GLP2R: variants seen among roughly 807,000 people sequenced by gnomAD.
The protein encoded by GLP2R is glucagon-like peptide 2 receptor.
A neutral mutation model predicts 68.2 loss-of-function variants in GLP2R; 59 were observed. The ratio of observed to expected loss-of-function variants is 0.87; its 90% CI spans 0.70 to 1.07. GLP2R has a LOEUF of 1.07. GLP2R is among the 50% of genes least tolerant of loss of function. GLP2R has a pLI of 0.00. For synonymous variants in GLP2R, 270 were observed against 265.4 expected (o/e 1.02, Z -0.17); for missense variants, 548 against 677.4 (o/e 0.81, Z 2.12).
intron 3 of GLP2R, among the ~76,000 whole-genome samples, chr17:9,841,627 C>T (rs562414291): frequency 1.3e-3 from 200 of 152,140 alleles, no homozygotes; most frequent in African/African-American, 4.1e-3. Flanking sequence ...GTGGGTGGAG[C>T]AGATTTTGAA....
chr17:9,860,540 G>A (rs1364840808), intron 7 of GLP2R, among the ~76,000 whole-genome samples: 1 of 152,144 alleles, frequency 6.6e-6, no homozygotes, highest in Non-Finnish European at 1.5e-5. Flanking sequence ...TTCTCACATG[G>A]TGAGGAGAGT....
Position 9,836,126 on chromosome 17 carries a change from T to C in GLP2R, c.278-245T>C, listed in dbSNP as rs954636582. Among the ~76,000 whole-genome samples, 3 of 152,124 alleles carry C rather than the reference T, an allele frequency of 2.0e-5. No individual in the cohort carries two copies. The East Asian group carries it at 5.8e-4, about 29-fold the overall frequency. ...CAGCATGATGTGTACATTGACGTAA[T>C]TGACCGGAGGTCAAGTTGGGCAGAC... On this transcript the variant is annotated intron_variant, in intron 2 of 12. Coordinates refer to ENST00000262441, the MANE Select transcript of GLP2R (RefSeq NM_004246.3).
At chr17:9,844,777 G>A (rs1210233959) in intron 4 of GLP2R, among the ~76,000 whole-genome samples, 4 of 130,040 alleles carry the variant, frequency 3.1e-5, no homozygotes, top group East Asian at 2.6e-4. Flanking sequence ...TGCAACCTCT[G>A]CCTCCCGGGT....
At chr17:9,848,639 C>T (rs2066862959) in intron 4 of GLP2R, among the ~76,000 whole-genome samples, 1 of 152,044 alleles carries the variant, frequency 6.6e-6, no homozygotes, top group Non-Finnish European at 1.5e-5. Context: ...TTGCCTCCTC[C>T]CCTCTGCAAA....
Position 9,891,006 on chromosome 17 carries a change from C to A in GLP2R, c.*1301C>A, listed in dbSNP as rs2067286267. The A allele has an allele frequency of 6.6e-6, 1 of 152,182 alleles. No homozygotes were observed. Among genetic ancestry groups the A allele is most frequent in the Non-Finnish European group, 1.5e-5 (1 of 68,044 alleles). 9.4% of individuals were successfully genotyped at this position (152,182 alleles called of 1,614,324 possible). A position where few individuals can be genotyped will look rare whatever the true frequency, so the allele number is the denominator to read the frequency against. On this transcript the variant is annotated 3_prime_UTR_variant, in exon 13 of 13. Transcript: ENST00000262441. ...AGTGTGTTAATGCACAGGAGTGTCA[C>A]TTTCATGGTATGTAAAATGCATGTG...
At chr17:9,844,668 C>CTGTTTTTT (rs2066820148) in intron 4 of GLP2R, among the ~76,000 whole-genome samples, 1 of 44,276 alleles carries the variant, frequency 2.3e-5, no homozygotes, top group Non-Finnish European at 4.7e-5. Flanking sequence ...CTACCTAATT[C>CTGTTTTTT]TTTTTTTTTT....
intron 5 of GLP2R, 138 bp downstream of exon 5, chr17:9,854,739 A>C (rs2066920797): frequency 1.5e-6 from 1 of 656,174 alleles, no homozygotes; most frequent in East Asian, 2.6e-5. Flanking sequence ...CCAGGGATAG[A>C]ACCAACCCTA....
intron 1 of GLP2R, among the ~76,000 whole-genome samples, chr17:9,833,356 C>T (rs1002192355): frequency 6.9e-6 from 1 of 145,678 alleles, no homozygotes; most frequent in Non-Finnish European, 1.5e-5. Flanking sequence ...TCTGTCTACT[C>T]AGAGCCTTTG....
intron 10 of GLP2R, among the ~76,000 whole-genome samples, chr17:9,873,927 C>A (rs2067121151): frequency 6.6e-6 from 1 of 152,110 alleles, no homozygotes; most frequent in Admixed American, 6.6e-5. Flanking sequence ...TCAATGTTCT[C>A]TTTTCCAGAG....
At chr17:9,829,782 T>A (rs1424651995) in intron 1 of GLP2R, among the ~76,000 whole-genome samples, 2 of 152,200 alleles carry the variant, frequency 1.3e-5, no homozygotes, top group East Asian at 3.9e-4. Flanking sequence ...TTCTGAGTAA[T>A]GAGATGATAA....
At chr17:9,874,782 C>G (rs767669989) in intron 10 of GLP2R, among the ~76,000 whole-genome samples, 19 of 152,304 alleles carry the variant, frequency 1.2e-4, no homozygotes, top group Non-Finnish European at 2.4e-4. Flanking sequence ...TCCGCAACAC[C>G]AGAAGATCCA....
chr17:9,887,806 C>A (rs1016462707), intron 11 of GLP2R, 126 bp from the exon 12 acceptor site: 4 of 766,782 alleles, frequency 5.2e-6, no homozygotes, highest in African/African-American at 5.1e-5. Flanking sequence ...TTAGTGTAAG[C>A]AATGCAGTTG....
intron 9 of GLP2R, among the ~76,000 whole-genome samples, chr17:9,864,474 T>A (rs1407460062): frequency 8.3e-6 from 1 of 120,446 alleles, no homozygotes; most frequent in Admixed American, 8.2e-5. Context: ...GGCACTGTAG[T>A]TTTTTCTGTT....
chr17:9,878,001 C>T (rs865910038), intron 10 of GLP2R, among the ~76,000 whole-genome samples: 2 of 151,524 alleles, frequency 1.3e-5, no homozygotes, highest in Non-Finnish European at 2.9e-5. Flanking sequence ...TTTTAAAAAA[C>T]CATAACACCA....
At chr17:9,842,827 G>C (rs532533632) in intron 4 of GLP2R, among the ~76,000 whole-genome samples, 2 of 152,340 alleles carry the variant, frequency 1.3e-5, no homozygotes, top group South Asian at 4.1e-4. Flanking sequence ...AATCCTAAGA[G>C]AAGTCAGTCT....
At chr17:9,889,281 A>T in intron 12 of GLP2R, 89 bp from the exon 13 acceptor site, 1 of 830,648 alleles carries the variant, frequency 1.2e-6, no homozygotes, top group East Asian at 2.6e-5. Context: ...CAAGGGTGGC[A>T]CAGAGTAGCT....
intron 4 of GLP2R, among the ~76,000 whole-genome samples, chr17:9,847,570 C>G (rs747600508): frequency 2.6e-5 from 4 of 151,956 alleles, no homozygotes; most frequent in Admixed American, 2.6e-4. Context: ...GCCCGGCCAT[C>G]GTTTAATTTT....
chr17:9,887,396 C>T (rs1273645332), intron 11 of GLP2R, among the ~76,000 whole-genome samples: 7 of 152,108 alleles, frequency 4.6e-5, no homozygotes, highest in South Asian at 4.1e-4. Context: ...GGCGTGGTGG[C>T]GTCCGCCTGT....
rs139395539 is a variant in GLP2R at position 9,831,094 on chromosome 17, G to A, written c.190-2713G>A. Among the ~76,000 whole-genome samples the A allele has an allele frequency of 2.7e-4, 41 of 152,260 alleles. No individual in the cohort carries two copies. In the East Asian group the frequency reaches 6.6e-3, roughly 24 times the overall value. ...CACACTAGCTCTTCTTCAAAAAGTC[G>A]GCTGTGTGATTGTTGCTGCACTCCC... On this transcript the variant is annotated intron_variant, in intron 1 of 12. Coordinates refer to ENST00000262441, the MANE Select transcript of GLP2R (RefSeq NM_004246.3).
Sources: allele counts gnomAD v4.1 joint callset (sites outside exome capture counted in the v4.1 genomes callset), GRCh38; gene constraint gnomAD v4.1.1; transcripts MANE v1.5; gene names NCBI Gene and HGNC (gene_info 2026-07-23, HGNC 2026-07-21).